The following CALN1 variants were observed in gnomAD, a reference collection of about 807,000 sequenced individuals.
CALN1 encodes the protein calneuron 1.
A neutral mutation model predicts 30.6 loss-of-function variants in CALN1; 17 were observed. That is an observed-to-expected ratio of 0.56 (90% CI 0.38 to 0.83). CALN1 has a LOEUF of 0.83. Ranked by LOEUF, CALN1 falls within the 40% of genes least tolerant of loss-of-function variation. The pLI is 0.00. For missense variants in CALN1, 291 were observed against 354.9 expected (o/e 0.82, Z 1.45); for synonymous variants, 156 against 131.4 (o/e 1.19, Z -1.28).
intron 2 of CALN1, among the ~76,000 whole-genome samples, chr7:72,394,009 G>A (rs1030498257): frequency 2.6e-5 from 4 of 152,200 alleles, no homozygotes; most frequent in African/African-American, 9.6e-5. Flanking sequence ...AATGGATCCT[G>A]AGTGAACAGA....
At chr7:72,376,500 T>C (rs1266482249) in intron 2 of CALN1, among the ~76,000 whole-genome samples, 2 of 152,236 alleles carry the variant, frequency 1.3e-5, no homozygotes, top group East Asian at 3.8e-4. Flanking sequence ...TACTGACTAC[T>C]TGTGTATCTT....
intron 5 of CALN1, among the ~76,000 whole-genome samples, chr7:71,899,134 T>A (rs1793707468): frequency 6.7e-6 from 1 of 148,918 alleles, no homozygotes; most frequent in South Asian, 2.1e-4. Context: ...CCCAGGCCCC[T>A]GCAGAGACAT....
chr7:71,843,654 G>C (rs2116515670), intron 5 of CALN1, among the ~76,000 whole-genome samples: 1 of 152,084 alleles, frequency 6.6e-6, no homozygotes, highest in South Asian at 2.1e-4. Context: ...AAACCAGAGA[G>C]CTAAGCTAAG....
chr7:72,275,119 G>A (rs548361674), intron 3 of CALN1, among the ~76,000 whole-genome samples: 1 of 152,170 alleles, frequency 6.6e-6, no homozygotes, highest in South Asian at 2.1e-4. Context: ...GAAGGCTGCA[G>A]TGGCTGCAGG....
rs1210254507 is a variant in CALN1, at chr7:72,054,433, G to A, written c.389-30664C>T. Reference sequence around the variant, plus strand: ...TATATATATACGTGTATATATACACGTATATATATATATACATATATATAC... The same window carrying A: ...TATATATATACGTGTATATATACACATATATATATATATACATATATATAC... On this transcript the variant is annotated intron_variant, in intron 4 of 6. Transcript: ENST00000395275. Among the ~76,000 whole-genome samples, 371 of 99,582 alleles carry A rather than the reference G, an allele frequency of 3.7e-3. 15 individuals are homozygous for A. The highest frequency in any genetic ancestry group is 5.8e-3 in the Middle Eastern group (1 of 172). The allele number at this position is 99,582 out of a possible 152,430, so 65.3% of individuals were successfully genotyped here. A position where few individuals can be genotyped will look rare whatever the true frequency, so the allele number is the denominator to read the frequency against.
intron 3 of CALN1, among the ~76,000 whole-genome samples, chr7:72,139,576 C>A (rs963692589): frequency 6.6e-6 from 1 of 151,196 alleles, no homozygotes; most frequent in African/African-American, 2.4e-5. Context: ...CTACCCACAT[C>A]GGCCACACCC....
intron 2 of CALN1, among the ~76,000 whole-genome samples, chr7:72,353,048 A>T (rs1324120373): frequency 6.6e-6 from 1 of 152,198 alleles, no homozygotes; most frequent in African/African-American, 2.4e-5. Flanking sequence ...ATGGAGATAT[A>T]AAAAATCTGA....
At chr7:72,374,377 A>G (rs1358611912) in intron 2 of CALN1, among the ~76,000 whole-genome samples, 1 of 152,030 alleles carries the variant, frequency 6.6e-6, no homozygotes, top group Non-Finnish European at 1.5e-5. Flanking sequence ...AAAAATACAA[A>G]AGTTAACCGG....
chr7:72,001,331 G>A (rs535375940), intron 5 of CALN1, among the ~76,000 whole-genome samples: 9 of 152,288 alleles, frequency 5.9e-5, no homozygotes, highest in African/African-American at 1.9e-4. Context: ...GGGTGAATGG[G>A]CTCGTGTATG....
intron 3 of CALN1, among the ~76,000 whole-genome samples, chr7:72,152,411 G>A (rs774884177): frequency 2.6e-5 from 4 of 152,132 alleles, no homozygotes; most frequent in Admixed American, 6.5e-5. Context: ...AGAGAGCTAC[G>A]ATCTTCACAT....
At chr7:71,859,209 T>A (rs1791130052) in intron 5 of CALN1, among the ~76,000 whole-genome samples, 2 of 151,980 alleles carry the variant, frequency 1.3e-5, no homozygotes, top group South Asian at 4.2e-4. Flanking sequence ...ATTACAGGCA[T>A]GTACCACCAC....
intron 3 of CALN1, among the ~76,000 whole-genome samples, chr7:72,275,999 A>G (rs1326178486): frequency 6.6e-6 from 1 of 152,210 alleles, no homozygotes; most frequent in Non-Finnish European, 1.5e-5. Flanking sequence ...CTGAAAAGTC[A>G]CAGAGAAATC....
intron 4 of CALN1, among the ~76,000 whole-genome samples, chr7:72,027,134 A>T (rs1487572196): frequency 1.3e-5 from 2 of 152,212 alleles, no homozygotes; most frequent in East Asian, 3.8e-4. Flanking sequence ...GGGCTACAGT[A>T]CATAATACAC....
chr7:72,038,820 G>T (rs768209497), intron 4 of CALN1, among the ~76,000 whole-genome samples: 5 of 152,144 alleles, frequency 3.3e-5, no homozygotes, highest in African/African-American at 1.2e-4. Context: ...ACCCTATAGG[G>T]TCTAAAAAGG....
chr7:72,410,336 T>C (rs1264159894), intron 1 of CALN1, among the ~76,000 whole-genome samples: 2 of 152,208 alleles, frequency 1.3e-5, no homozygotes, highest in African/African-American at 4.8e-5. Context: ...ACTACTAAGA[T>C]GTATTCAAAA....
At chr7:72,310,248 T>C (rs183072677) in intron 2 of CALN1, among the ~76,000 whole-genome samples, 1 of 151,590 alleles carries the variant, frequency 6.6e-6, no homozygotes, top group Non-Finnish European at 1.5e-5. Context: ...TCCATCTTAG[T>C]TTTGCCATGG....
chr7:71,998,052 C>G (rs978367929), intron 5 of CALN1, among the ~76,000 whole-genome samples: 1 of 152,012 alleles, frequency 6.6e-6, no homozygotes, highest in Non-Finnish European at 1.5e-5. Flanking sequence ...AACTCCTGAC[C>G]TCCCTAGGTG....
intron 3 of CALN1, among the ~76,000 whole-genome samples, chr7:72,152,867 G>A (rs1445870658): frequency 2.0e-5 from 3 of 152,172 alleles, no homozygotes; most frequent in Non-Finnish European, 4.4e-5. Flanking sequence ...GTCACTCCAT[G>A]GGGGAGAAGA....
At chr7:71,940,300 T>C (rs1012761496) in intron 5 of CALN1, among the ~76,000 whole-genome samples, 2 of 152,342 alleles carry the variant, frequency 1.3e-5, no homozygotes, top group South Asian at 4.1e-4. Flanking sequence ...TCATGCAATC[T>C]GTTCTTCTGG....
Sources: allele counts gnomAD v4.1 joint callset (sites outside exome capture counted in the v4.1 genomes callset), GRCh38; gene constraint gnomAD v4.1.1; transcripts MANE v1.5; gene names NCBI Gene and HGNC (gene_info 2026-07-23, HGNC 2026-07-21).